The following ACBD5 variants were observed in gnomAD, a reference collection of about 807,000 sequenced individuals.
ACBD5 encodes the protein acyl-CoA binding domain containing 5, also known as acyl-CoA-binding domain-containing protein 5.
ACBD5 carries 40 observed loss-of-function variants against 71.8 expected under a neutral mutation model. The ratio of observed to expected loss-of-function variants is 0.56; its 90% CI spans 0.43 to 0.72. ACBD5 has a LOEUF of 0.72. Among genes scored for constraint, ACBD5 ranks in the 30% least tolerant of loss-of-function variants. The probability of loss-of-function intolerance (pLI) is 0.00; values close to 1 mark genes in which losing one functional copy is unlikely to be tolerated. For synonymous variants in ACBD5, 229 were observed against 218.6 expected (o/e 1.05, Z -0.42); for missense variants, 559 against 644.5 (o/e 0.87, Z 1.44).
At chr10:27,197,525 A>T in intron 12 of ACBD5, 83 bp from the exon 13 acceptor site, 2 of 1,076,440 alleles carry the variant, frequency 1.9e-6, no homozygotes, top group South Asian at 1.4e-5. Flanking sequence ...ATAATAACAT[A>T]CAAATTCAAA....
At chr10:27,210,467 A>T (rs762364819) in intron 9 of ACBD5, among the ~76,000 whole-genome samples, 3 of 152,162 alleles carry the variant, frequency 2.0e-5, no homozygotes, top group Non-Finnish European at 4.4e-5. Context: ...AAACTTTTTA[A>T]ATTAGTCAGG....
chr10:27,218,617 G>A (rs4581346), intron 6 of ACBD5, among the ~76,000 whole-genome samples: 14,495 of 149,778 alleles, frequency 0.097, 2,263 homozygotes, highest in African/African-American at 0.33. Context: ...ACAAAGTCTC[G>A]CTCTGTCACC....
intron 4 of ACBD5, among the ~76,000 whole-genome samples, chr10:27,228,791 T>TTATATATATA (rs1169917244): frequency 0.011 from 239 of 22,060 alleles, 25 homozygotes; most frequent in Middle Eastern, 0.062. Context: ...CCTATTATGT[T>TTATATATATA]TATATATATA....
intron 4 of ACBD5, among the ~76,000 whole-genome samples, chr10:27,225,039 A>C (rs112508437): frequency 0.095 from 14,427 of 151,168 alleles, 2,276 homozygotes; most frequent in African/African-American, 0.33. Context: ...TCCAAAAAAA[A>C]AGATACCAGA....
chr10:27,202,932 G>A lies in ACBD5; in HGVS notation c.1565+1508C>T, dbSNP rs372210910. Among the ~76,000 whole-genome samples the A allele has an allele frequency of 5.9e-4, 80 of 136,394 alleles. No individual in the cohort carries two copies. The East Asian group carries it at 0.017, about 28-fold the overall frequency. 89.5% of individuals were successfully genotyped at this position (136,394 alleles called of 152,430 possible). On this transcript the variant is annotated intron_variant, in intron 12 of 12. Transcript: ENST00000396271. ...TAGGAGGAATTGAAAATGTATAGAA[G>A]AAGAAAAGAAAGGATTTAAATTCAG... is the stretch of plus-strand genomic sequence containing the variant.
At chr10:27,229,951 C>G (rs945774376) in intron 4 of ACBD5, among the ~76,000 whole-genome samples, 1 of 152,164 alleles carries the variant, frequency 6.6e-6, no homozygotes, top group Non-Finnish European at 1.5e-5. Context: ...GCAGAATACA[C>G]ATTGCCTCAT....
At chr10:27,236,754 G>A (rs1181410625) in intron 2 of ACBD5, among the ~76,000 whole-genome samples, 3 of 151,838 alleles carry the variant, frequency 2.0e-5, no homozygotes, top group African/African-American at 4.8e-5. Flanking sequence ...CGGGCATGAC[G>A]GTGGGTGCAT....
chr10:27,229,941 G>A (rs2063632494), intron 4 of ACBD5, among the ~76,000 whole-genome samples: 1 of 152,060 alleles, frequency 6.6e-6, no homozygotes, highest in Admixed American at 6.6e-5. Context: ...AGGGAAAAAG[G>A]CAGAATACAC....
rs1026485893 is a variant in ACBD5, at chr10:27,189,488, T to A, written c.1494-6773A>T. Among the ~76,000 whole-genome samples the A allele has an allele frequency of 5.5e-4, 84 of 152,076 alleles. 1 individual carries two copies. Among genetic ancestry groups the A allele is most frequent in the African/African-American group, 2.0e-3 (83 of 41,402 alleles). ...AGACCCTGTCTCTATCTAAATTTTT[T>A]AAAAACCGTCATTCTCAGCAAACTA... On this transcript the variant is annotated intron_variant, in intron 13 of 13. Coordinates refer to the ACBD5 transcript ENST00000676511.
Position 27,240,596 on chromosome 10 carries a change from C to A in ACBD5, c.15+78G>T. On this transcript the variant is annotated intron_variant, in intron 1 of 12. Coordinates refer to ENST00000396271, the MANE Select transcript of ACBD5 (RefSeq NM_145698.5). The surrounding 1 kb of genome is among the most constrained non-coding windows in gnomAD (Gnocchi z 4.1). The stretch of plus-strand genomic sequence containing the variant: ...CCTATCCAGGCCACACAGATCGAAG[C>A]GGCCCGGCTCCTTCCTCCTCCCCCG... The A allele has an allele frequency of 1.9e-6, 3 of 1,551,092 alleles. No homozygotes were observed. The highest frequency in any genetic ancestry group is 2.6e-6 in the Non-Finnish European group (3 of 1,146,898).
At chr10:27,186,478 C>T (rs2058757703) in intron 13 of ACBD5, 1 of 1,614,126 alleles carries the variant, frequency 6.2e-7, no homozygotes, top group African/African-American at 1.3e-5. Flanking sequence ...ACAGATACCT[C>T]CTATTTTGAA....
At chr10:27,205,286 A>C in intron 10 of ACBD5, 38 bp from the exon 11 acceptor site, 1 of 1,587,816 alleles carries the variant, frequency 6.3e-7, no homozygotes, top group South Asian at 1.1e-5. Flanking sequence ...CCTTGAAAAA[A>C]TGAAAAACAC....
chr10:27,184,129 G>A (rs950679343), intron 13 of ACBD5, among the ~76,000 whole-genome samples: 3 of 152,176 alleles, frequency 2.0e-5, no homozygotes, highest in East Asian at 1.9e-4. Flanking sequence ...CCCTGTCCTC[G>A]TGGAACTTAC....
chr10:27,191,691 C>T (rs763175661), downstream of ACBD5, among the ~76,000 whole-genome samples: 36 of 152,144 alleles, frequency 2.4e-4, no homozygotes, highest in Non-Finnish European at 7.3e-5. Context: ...TAAGACCAGC[C>T]TGGCCAACAT....
chr10:27,199,305 C>A (rs1359321291), intron 12 of ACBD5, among the ~76,000 whole-genome samples: 1 of 151,640 alleles, frequency 6.6e-6, no homozygotes, highest in African/African-American at 2.4e-5. Context: ...ATTCTGCTGC[C>A]TCAGCCTCCT....
At chr10:27,211,196 T>C (rs1179148638) in intron 8 of ACBD5, 115 bp from the exon 9 acceptor site, 5 of 1,094,942 alleles carry the variant, frequency 4.6e-6, no homozygotes, top group Non-Finnish European at 6.6e-6. Context: ...CATGTTATTA[T>C]TGGAAATATT....
chr10:27,240,592 G>T lies in ACBD5; in HGVS notation c.15+82C>A. The T allele has an allele frequency of 6.4e-7, 1 of 1,551,054 alleles. No homozygotes were observed. Among genetic ancestry groups the T allele is most frequent in the Non-Finnish European group, 8.7e-7 (1 of 1,146,926 alleles). On this transcript the variant is annotated intron_variant, in intron 1 of 12. Transcript: ENST00000396271. The surrounding 1 kb of genome is among the most constrained non-coding windows in gnomAD (Gnocchi z 4.1). ...CTGCCCTATCCAGGCCACACAGATCGAAGCGGCCCGGCTCCTTCCTCCTCC... is the reference window on the plus strand; with the variant it reads ...CTGCCCTATCCAGGCCACACAGATCTAAGCGGCCCGGCTCCTTCCTCCTCC...
chr10:27,184,182 A>G (rs1483999155), intron 13 of ACBD5, among the ~76,000 whole-genome samples: 1 of 152,196 alleles, frequency 6.6e-6, no homozygotes, highest in Non-Finnish European at 1.5e-5. Flanking sequence ...CAGACACAAC[A>G]TAATGTCATG....
chr10:27,185,497 G>A (rs532965742), intron 13 of ACBD5, among the ~76,000 whole-genome samples: 1 of 151,728 alleles, frequency 6.6e-6, no homozygotes, highest in African/African-American at 2.4e-5. Context: ...GCCAGGCTTG[G>A]TGGTACACAT....
Sources: allele counts gnomAD v4.1 joint callset (sites outside exome capture counted in the v4.1 genomes callset), GRCh38; gene constraint gnomAD v4.1.1; non-coding constraint Gnocchi (gnomAD v3.1); transcripts MANE v1.5; gene names NCBI Gene and HGNC (gene_info 2026-07-23, HGNC 2026-07-21).